The following NXF2 variants were observed in gnomAD, a reference collection of about 807,000 sequenced individuals.
The protein encoded by NXF2 is TAP-like protein 2.
intron 2 of NXF2, among the ~76,000 whole-genome samples, chrX:102,252,232 A>G (rs1346110403): frequency 3.0e-5 from 2 of 67,421 alleles, no homozygotes; most frequent in East Asian, 9.7e-4. Context: ...ACCTCAGGCG[A>G]TCCACCCGCT....
At chrX:102,281,728 A>ACC (rs61468793) in intron 2 of NXF2, among the ~76,000 whole-genome samples, 4 of 55,636 alleles carry the variant, frequency 7.2e-5, no homozygotes, top group Non-Finnish European at 1.3e-4. Flanking sequence ...ATGTCGTGTG[A>ACC]CCCCCCCCCT....
chrX:102,281,723 G>A (rs1324656663), intron 2 of NXF2, among the ~76,000 whole-genome samples: 5 of 85,430 alleles, frequency 5.9e-5, no homozygotes, highest in African/African-American at 1.3e-4. Context: ...TCAGTATGTC[G>A]TGTGACCCCC....
chrX:102,281,975 ATTTT>A (rs35643029), intron 2 of NXF2, among the ~76,000 whole-genome samples: 1 of 10,823 alleles, frequency 9.2e-5, no homozygotes. Context: ...CGCCCGGCTA[ATTTT>A]TTTTTTTTTT....
chrX:102,251,371 C>T (rs1182220731), intron 2 of NXF2, among the ~76,000 whole-genome samples: 3 of 47,015 alleles, frequency 6.4e-5, no homozygotes, highest in Non-Finnish European at 1.1e-4. Context: ...TAGAAATGTA[C>T]CTTCAAGGTA....
chrX:102,298,963 CG>C (rs1934012643), intron 2 of NXF2, among the ~76,000 whole-genome samples: 1 of 78,840 alleles, frequency 1.3e-5, no homozygotes, highest in Non-Finnish European at 2.4e-5. Flanking sequence ...TATATATTTA[CG>C]GGGTACAATG....
At chrX:102,248,721 G>A (rs1248982691) in intron 2 of NXF2, among the ~76,000 whole-genome samples, 163 bp downstream of exon 2, 1 of 41,677 alleles carries the variant, frequency 2.4e-5, no homozygotes, top group African/African-American at 1.1e-4. Flanking sequence ...TGAACACATG[G>A]TACCCTATAC....
intron 2 of NXF2, among the ~76,000 whole-genome samples, chrX:102,281,730 C>CG (rs1211972768): frequency 1.3e-5 from 1 of 74,645 alleles, no homozygotes; most frequent in Non-Finnish European, 2.5e-5. Context: ...GTCGTGTGAC[C>CG]CCCCCCCTCC....
intron 2 of NXF2, among the ~76,000 whole-genome samples, chrX:102,281,426 G>A (rs1345605112): frequency 1.4e-4 from 16 of 113,628 alleles, no homozygotes; most frequent in African/African-American, 4.8e-4. Context: ...GTGCTGCCAG[G>A]ACTAGGTCCT....
chrX:102,298,491 G>T (rs1231109363), intron 2 of NXF2, among the ~76,000 whole-genome samples: 1 of 76,878 alleles, frequency 1.3e-5, no homozygotes, highest in Non-Finnish European at 2.4e-5. Context: ...AAAAAAGGAA[G>T]GACCCCAGCA....
Position 102,282,528 on chromosome X carries a change from CTT to C in NXF2, c.-53-24497_-53-24496del, listed in dbSNP as rs1474077084. Among the ~76,000 whole-genome samples the C allele has an allele frequency of 1.6e-4, 14 of 88,374 alleles. No individual in the cohort carries two copies. The Admixed American group carries it at 1.8e-3, about 11-fold the overall frequency. The allele number at this position is 88,374 out of a possible 115,157, so 76.7% of individuals were successfully genotyped here. ...GGCTGTGGGTTTGTCCTAGATGACT[CTT>C]ATTATTTTGAGGTATGCTTCTCTGA... On this transcript the variant is annotated intron_variant, in intron 2 of 22. Coordinates refer to ENST00000625106, the MANE Select transcript of NXF2 (RefSeq NM_022053.4).
Position 102,248,573 on chromosome X carries a change from G to C in NXF2, c.-54+15G>C, listed in dbSNP as rs1290656608. The C allele has an allele frequency of 1.1e-5, 1 of 88,553 alleles. No individual in the cohort carries two copies. The highest frequency in any genetic ancestry group is 2.2e-5 in the Non-Finnish European group (1 of 46,155). 7.3% of individuals were successfully genotyped at this position (88,553 alleles called of 1,213,427 possible). ...ATACCAGTCAGGTATTTTGTGGAAT[G>C]TCTCTCAATTTGTGTTTGTCTCATG... is the stretch of plus-strand genomic sequence containing the variant. On this transcript the variant is annotated intron_variant, in intron 2 of 22. Coordinates refer to ENST00000625106, the MANE Select transcript of NXF2 (RefSeq NM_022053.4).
At chrX:102,293,561 ATAT>A (rs1933979135) in intron 2 of NXF2, among the ~76,000 whole-genome samples, 1 of 30,357 alleles carries the variant, frequency 3.3e-5, no homozygotes, top group African/African-American at 1.2e-4. Flanking sequence ...ATATATATAT[ATAT>A]ATTTAGTTTT....
intron 2 of NXF2, among the ~76,000 whole-genome samples, chrX:102,298,963 C>T (rs1431366053): frequency 3.8e-5 from 3 of 78,858 alleles, no homozygotes; most frequent in Non-Finnish European, 4.8e-5. Flanking sequence ...TATATATTTA[C>T]GGGGTACAAT....
At chrX:102,298,995 A>C (rs1223539436) in intron 2 of NXF2, among the ~76,000 whole-genome samples, 1 of 75,679 alleles carries the variant, frequency 1.3e-5, no homozygotes, top group Non-Finnish European at 2.5e-5. Flanking sequence ...ATAAGTGTAT[A>C]CATTTAGAAA....
intron 2 of NXF2, among the ~76,000 whole-genome samples, chrX:102,298,691 C>T (rs1934007628): frequency 8.8e-6 from 1 of 113,734 alleles, no homozygotes; most frequent in Non-Finnish European, 1.9e-5. Flanking sequence ...GCGTTTGGCA[C>T]TCAGCTGCTC....
chrX:102,282,717 G>A (rs1262861926), intron 2 of NXF2, among the ~76,000 whole-genome samples: 1 of 31,945 alleles, frequency 3.1e-5, no homozygotes, highest in Non-Finnish European at 6.0e-5. Context: ...TGCATCCCAG[G>A]AGTAGGGCCT....
intron 2 of NXF2, among the ~76,000 whole-genome samples, chrX:102,294,084 A>C (rs1444932583): frequency 1.2e-5 from 1 of 82,096 alleles, no homozygotes; most frequent in Non-Finnish European, 2.2e-5. Context: ...AGATATACCT[A>C]ATGTTAAATG....
intron 2 of NXF2, among the ~76,000 whole-genome samples, chrX:102,282,277 G>A (rs1280896245): frequency 8.9e-6 from 1 of 112,727 alleles, no homozygotes. Context: ...CCTCTGTTGG[G>A]GGGGCATGAG....
At chrX:102,298,423 T>A (rs1934003408) in intron 2 of NXF2, among the ~76,000 whole-genome samples, 1 of 41,048 alleles carries the variant, frequency 2.4e-5, no homozygotes, top group African/African-American at 9.7e-5. Flanking sequence ...TGATTGTGCA[T>A]CCCTGAGATG....
Sources: allele counts gnomAD v4.1 joint callset (sites outside exome capture counted in the v4.1 genomes callset), GRCh38; gene constraint gnomAD v4.1.1; transcripts MANE v1.5; gene names NCBI Gene and HGNC (gene_info 2026-07-23, HGNC 2026-07-21).